Variants in GALNTL6 observed in about 807,000 individuals in gnomAD.
GALNTL6 encodes polypeptide N-acetylgalactosaminyltransferase-like 6.
A neutral mutation model predicts 73.7 loss-of-function variants in GALNTL6; 46 were observed. That is an observed-to-expected ratio of 0.62 (90% CI 0.49 to 0.80). The LOEUF (loss-of-function observed/expected upper bound fraction) is 0.80. Among genes scored for constraint, GALNTL6 ranks in the 30% least tolerant of loss-of-function variants. The pLI is 0.00. For missense variants in GALNTL6, 604 were observed against 755.0 expected, an observed-to-expected ratio of 0.80 and a Z score of 2.34; for synonymous variants, 259 against 263.7, an observed-to-expected ratio of 0.98 and a Z score of 0.17.
chr4:172,183,126 A>G (rs1291154739), intron 2 of GALNTL6, among the ~76,000 whole-genome samples: 1 of 152,212 alleles, frequency 6.6e-6, no homozygotes, highest in South Asian at 2.1e-4. Flanking sequence ...ATATGTCTAT[A>G]TAAGAATATT....
intron 3 of GALNTL6, among the ~76,000 whole-genome samples, chr4:172,233,497 A>G (rs1034052670): frequency 6.6e-6 from 1 of 152,116 alleles, no homozygotes; most frequent in Non-Finnish European, 1.5e-5. Flanking sequence ...CACTTAACCA[A>G]TTATTATTAA....
intron 3 of GALNTL6, among the ~76,000 whole-genome samples, chr4:172,273,205 A>C (rs1437212049): frequency 1.3e-5 from 2 of 152,220 alleles, no homozygotes; most frequent in Admixed American, 6.6e-5. Flanking sequence ...GGCAAAGTCC[A>C]TGCATTTCAA....
At chr4:172,114,235 A>G (rs1732928660) in intron 2 of GALNTL6, among the ~76,000 whole-genome samples, 1 of 152,102 alleles carries the variant, frequency 6.6e-6, no homozygotes, top group Admixed American at 6.6e-5. Flanking sequence ...AGTCAAATTT[A>G]AAACAGGCAT....
intron 2 of GALNTL6, among the ~76,000 whole-genome samples, chr4:172,116,055 A>T (rs1042907275): frequency 6.6e-6 from 1 of 152,028 alleles, no homozygotes; most frequent in Non-Finnish European, 1.5e-5. Context: ...ATTTTTAAAA[A>T]TGAGTTGATG....
intron 2 of GALNTL6, among the ~76,000 whole-genome samples, chr4:172,143,453 C>T (rs1325762320): frequency 5.3e-5 from 8 of 151,462 alleles, no homozygotes; most frequent in Admixed American, 5.3e-4. Context: ...TTCCTTGTTT[C>T]TTTTTTGCCA....
At chr4:172,719,323 C>G (rs1009175042) in intron 5 of GALNTL6, among the ~76,000 whole-genome samples, 1 of 152,138 alleles carries the variant, frequency 6.6e-6, no homozygotes, top group African/African-American at 2.4e-5. Flanking sequence ...AATCCTTACC[C>G]TACCATTTAT....
At chr4:171,889,954 T>C (rs879850037) in intron 2 of GALNTL6, among the ~76,000 whole-genome samples, 1 of 152,148 alleles carries the variant, frequency 6.6e-6, no homozygotes, top group Non-Finnish European at 1.5e-5. Flanking sequence ...TCCAATATTT[T>C]GACAGCTAGC....
intron 2 of GALNTL6, among the ~76,000 whole-genome samples, chr4:172,169,141 C>A (rs571983227): frequency 6.6e-6 from 1 of 152,146 alleles, no homozygotes; most frequent in Non-Finnish European, 1.5e-5. Flanking sequence ...GTTGACTTGT[C>A]GTGTAGGACT....
chr4:172,031,779 A>G (rs1175441363), intron 2 of GALNTL6, among the ~76,000 whole-genome samples: 1 of 151,946 alleles, frequency 6.6e-6, no homozygotes, highest in African/African-American at 2.4e-5. Flanking sequence ...GATTCTGTTC[A>G]AGCAAGTTGA....
chr4:172,517,787 AC>A (rs1055320993), intron 5 of GALNTL6, among the ~76,000 whole-genome samples: 4 of 152,142 alleles, frequency 2.6e-5, no homozygotes, highest in African/African-American at 9.6e-5. Context: ...CAAATAGAGT[AC>A]AAAAAATGTG....
chr4:172,069,584 T>TA (rs1731483730), intron 2 of GALNTL6, among the ~76,000 whole-genome samples: 2,042 of 13,684 alleles, frequency 0.15, 507 homozygotes, highest in Non-Finnish European at 0.51. Context: ...TGTTATATAT[T>TA]ATATATATAA....
At chr4:172,924,931 G>A (rs1310775768) in intron 8 of GALNTL6, among the ~76,000 whole-genome samples, 1 of 152,094 alleles carries the variant, frequency 6.6e-6, no homozygotes, top group Non-Finnish European at 1.5e-5. Flanking sequence ...GAGTGCAGTG[G>A]CGCGATCTCG....
chr4:172,106,914 C>T (rs923690731), intron 2 of GALNTL6, among the ~76,000 whole-genome samples: 2 of 152,198 alleles, frequency 1.3e-5, no homozygotes, highest in African/African-American at 4.8e-5. Context: ...ACTCTTGTTG[C>T]CCAGGCTGGA....
chr4:172,803,082 G>A (rs962030344), intron 5 of GALNTL6, among the ~76,000 whole-genome samples: 1 of 152,198 alleles, frequency 6.6e-6, no homozygotes, highest in Non-Finnish European at 1.5e-5. Flanking sequence ...CCCAATTACA[G>A]GAATAAACTC....
At chr4:172,370,112 G>T (rs1399157300) in intron 5 of GALNTL6, among the ~76,000 whole-genome samples, 1 of 152,200 alleles carries the variant, frequency 6.6e-6, no homozygotes, top group Non-Finnish European at 1.5e-5. Flanking sequence ...TAGGGGTGAA[G>T]AAGGGGCCCT....
chr4:172,028,097 T>A (rs1180178654), intron 2 of GALNTL6, among the ~76,000 whole-genome samples: 1 of 152,052 alleles, frequency 6.6e-6, no homozygotes, highest in Non-Finnish European at 1.5e-5. Flanking sequence ...CAAGATTGTA[T>A]TGGAAGAAGT....
chr4:172,022,911 C>A (rs1041436635), intron 2 of GALNTL6, among the ~76,000 whole-genome samples: 8 of 152,032 alleles, frequency 5.3e-5, no homozygotes, highest in Admixed American at 4.6e-4. Flanking sequence ...CATTCTAAAT[C>A]TTCTCTGAAC....
chr4:172,533,014 A>ATTTT (rs34090962), intron 5 of GALNTL6, among the ~76,000 whole-genome samples: 1 of 143,532 alleles, frequency 7.0e-6, no homozygotes, highest in Non-Finnish European at 1.5e-5. Flanking sequence ...TTTTTGTAGA[A>ATTTT]TTTTTTTTTT....
chr4:172,945,355 GTGT>G (rs1749114236), intron 9 of GALNTL6, among the ~76,000 whole-genome samples: 1 of 152,196 alleles, frequency 6.6e-6, no homozygotes, highest in Admixed American at 6.5e-5. Context: ...TATCTTGATA[GTGT>G]TGATGATTCC....
Sources: gnomAD v4.1 joint callset for allele counts (sites outside exome capture counted in the v4.1 genomes callset) on GRCh38, gnomAD v4.1.1 for gene constraint, MANE v1.5 for transcripts, NCBI Gene and HGNC (gene_info 2026-07-23, HGNC 2026-07-21) for gene names.